SDK1: variants seen among roughly 807,000 people sequenced by gnomAD.
SDK1 encodes protein sidekick-1.
In SDK1, 157 loss-of-function variants were observed where a neutral mutation model predicts 245.5. The observed-to-expected ratio is 0.64, with a 90% CI of 0.56 to 0.73. The LOEUF (loss-of-function observed/expected upper bound fraction) is 0.73, where lower values mean the gene tolerates loss of function less well. SDK1 is among the 30% of genes least tolerant of loss of function. The pLI is 0.00. For synonymous variants in SDK1, 1,647 were observed against 1,278.5 expected, an observed-to-expected ratio of 1.29 and a Z score of -6.15; for missense variants, 3,583 against 3,002.3, an observed-to-expected ratio of 1.19 and a Z score of -4.52.
At chr7:3,362,162 C>A (rs1780970071) in intron 1 of SDK1, among the ~76,000 whole-genome samples, 1 of 152,164 alleles carries the variant, frequency 6.6e-6, no homozygotes. Context: ...ACTGTAGAAT[C>A]TAGATGAAAT....
chr7:3,377,810 A>C (rs998545954), intron 1 of SDK1, among the ~76,000 whole-genome samples: 1 of 151,918 alleles, frequency 6.6e-6, no homozygotes, highest in Non-Finnish European at 1.5e-5. Flanking sequence ...ACAGAGTCTC[A>C]CTCTGTTGCC....
chr7:3,820,012 C>G (rs921815063), intron 4 of SDK1, among the ~76,000 whole-genome samples: 2 of 152,148 alleles, frequency 1.3e-5, no homozygotes, highest in African/African-American at 4.8e-5. Context: ...GTGGGTAACA[C>G]AACTCACTCT....
At chr7:3,306,173 G>C (rs1238386799) in intron 1 of SDK1, among the ~76,000 whole-genome samples, 1 of 152,126 alleles carries the variant, frequency 6.6e-6, no homozygotes, top group Non-Finnish European at 1.5e-5. Flanking sequence ...CTGACCTCAA[G>C]TTTTAGATAA....
Position 3,301,857 on chromosome 7 carries a change from C to G in SDK1, c.271C>G (p.Leu91Val). 1 of 1,135,988 alleles carries G rather than the reference C, an allele frequency of 8.8e-7. No homozygotes were observed. Among genetic ancestry groups the G allele is most frequent in the South Asian group, 4.2e-5 (1 of 23,572 alleles). 70.4% of individuals were successfully genotyped at this position (1,135,988 alleles called of 1,614,324 possible). The change falls in exon 1 of 45, where the codon CTG (leucine) becomes GTG (valine). Residue 91 changes from leucine (L) to valine (V), a missense_variant. Physicochemically the swap from Leu to Val is conservative, Grantham distance 32 (BLOSUM62 1). Coordinates refer to ENST00000404826, the MANE Select transcript of SDK1 (RefSeq NM_152744.4). ...RGWWALLALQ[L>V]HLLRALAQDD... ...CTGGTGGGCGCTGCTGGCGCTGCAGCTGCACTTGCTCCGGGCGCTGGCGCA... is the reference window on the plus strand; with the variant it reads ...CTGGTGGGCGCTGCTGGCGCTGCAGGTGCACTTGCTCCGGGCGCTGGCGCA...
chr7:3,516,925 G>T (rs950552624), intron 1 of SDK1, among the ~76,000 whole-genome samples: 1 of 152,164 alleles, frequency 6.6e-6, no homozygotes, highest in African/African-American at 2.4e-5. Flanking sequence ...TGTTGGGTCA[G>T]ATCTGCCTGC....
Position 3,686,477 on chromosome 7 carries a change from C to T in SDK1, c.713+44372C>T, listed in dbSNP as rs189235936. Among the ~76,000 whole-genome samples the T allele has an allele frequency of 1.4e-4, 22 of 152,326 alleles. No individual in the cohort carries two copies. In the East Asian group the frequency reaches 4.2e-3, roughly 29 times the overall value. On this transcript the variant is annotated intron_variant, in intron 4 of 44. Coordinates refer to ENST00000404826, the MANE Select transcript of SDK1 (RefSeq NM_152744.4). ...CAGGGCTGCAGTAAGAAAGTATACT[C>T]ATGGGCTGTACAAGGACACATATGC... is the stretch of plus-strand genomic sequence containing the variant.
intron 17 of SDK1, among the ~76,000 whole-genome samples, chr7:4,029,531 T>C (rs1046527384): frequency 2.7e-5 from 4 of 150,578 alleles, no homozygotes; most frequent in African/African-American, 1.0e-4. Context: ...CATTCACTCA[T>C]TCATTCATTC....
At chr7:4,004,906 T>C (rs1307168072) in intron 14 of SDK1, among the ~76,000 whole-genome samples, 1 of 152,052 alleles carries the variant, frequency 6.6e-6, no homozygotes, top group Admixed American at 6.5e-5. Flanking sequence ...TGTCTCACTG[T>C]GTCTTCATCC....
intron 2 of SDK1, among the ~76,000 whole-genome samples, chr7:3,623,245 C>CT (rs1183056855): frequency 0.22 from 25,798 of 117,962 alleles, 3,177 homozygotes; most frequent in East Asian, 0.46. Context: ...TGTTGTATTT[C>CT]TTTTTTTTTT....
intron 1 of SDK1, among the ~76,000 whole-genome samples, chr7:3,504,279 T>A: frequency 6.6e-6 from 1 of 150,974 alleles, no homozygotes; most frequent in Non-Finnish European, 1.5e-5. Flanking sequence ...GTTGTTGTTG[T>A]TGTTGTTGTT....
intron 1 of SDK1, among the ~76,000 whole-genome samples, chr7:3,593,329 G>A (rs1266450321): frequency 1.3e-5 from 2 of 152,116 alleles, no homozygotes; most frequent in African/African-American, 2.4e-5. Context: ...ACAAGGTGGG[G>A]CTGTTTCTCA....
intron 5 of SDK1, 36 bp downstream of exon 5, chr7:3,821,619 C>A (rs1320086207): frequency 5.0e-6 from 8 of 1,605,416 alleles, no homozygotes; most frequent in Non-Finnish European, 6.0e-6. Flanking sequence ...ATTCTGCAAG[C>A]AATAAAATCT....
intron 19 of SDK1, among the ~76,000 whole-genome samples, chr7:4,062,724 G>T (rs748334133): frequency 4.6e-5 from 7 of 152,082 alleles, no homozygotes; most frequent in Admixed American, 4.6e-4. Context: ...TTAGCAAACT[G>T]AATCCAACAG....
intron 1 of SDK1, among the ~76,000 whole-genome samples, chr7:3,400,859 T>C (rs1266926931): frequency 6.6e-6 from 1 of 152,142 alleles, no homozygotes; most frequent in African/African-American, 2.4e-5. Context: ...TCAACCTCAG[T>C]TTTCAAAGCC....
chr7:3,475,941 G>A (rs1781336161), intron 1 of SDK1: 1 of 152,576 alleles, frequency 6.6e-6, no homozygotes, highest in Admixed American at 6.5e-5. Context: ...AATTCTGTTA[G>A]CATTTAGTAG....
chr7:4,067,022 G>A (rs1238046917), intron 19 of SDK1, among the ~76,000 whole-genome samples: 1 of 152,202 alleles, frequency 6.6e-6, no homozygotes, highest in Non-Finnish European at 1.5e-5. Context: ...AGCGGCTGAT[G>A]ATCATGGAAC....
intron 5 of SDK1, among the ~76,000 whole-genome samples, chr7:3,944,516 TTGAG>T (rs373248079): frequency 8.2e-4 from 125 of 152,360 alleles, no homozygotes; most frequent in African/African-American, 2.9e-3. Context: ...AAATTAATCA[TTGAG>T]TATTTGATGA....
intron 17 of SDK1, among the ~76,000 whole-genome samples, chr7:4,027,477 C>G (rs1198429275): frequency 6.6e-6 from 1 of 152,170 alleles, no homozygotes; most frequent in Non-Finnish European, 1.5e-5. Context: ...ACTGCAGAGG[C>G]CTGGATATTC....
intron 1 of SDK1, among the ~76,000 whole-genome samples, chr7:3,526,484 T>C (rs551895342): frequency 2.0e-5 from 3 of 152,232 alleles, no homozygotes; most frequent in Non-Finnish European, 4.4e-5. Flanking sequence ...ATAGTTTCCA[T>C]GTATAAAGTA....
Sources: gnomAD v4.1 joint callset for allele counts (sites outside exome capture counted in the v4.1 genomes callset) on GRCh38, gnomAD v4.1.1 for gene constraint, MANE v1.5 for transcripts, NCBI Gene and HGNC (gene_info 2026-07-23, HGNC 2026-07-21) for gene names.